Variants in ST3GAL3 observed in about 807,000 individuals in gnomAD.
ST3GAL3 encodes CMP-N-acetylneuraminate-beta-1,4-galactoside alpha-2,3-sialyltransferase.
In ST3GAL3, 21 loss-of-function variants were observed where a neutral mutation model predicts 50.1. That is an observed-to-expected ratio of 0.42 (90% CI 0.30 to 0.60). ST3GAL3 has a LOEUF of 0.60. Among genes scored for constraint, ST3GAL3 ranks in the 20% least tolerant of loss-of-function variants. ST3GAL3 has a pLI of 0.19. For synonymous variants in ST3GAL3, 183 were observed against 190.0 expected, an observed-to-expected ratio of 0.96 and a Z score of 0.30; for missense variants, 353 against 489.4, an observed-to-expected ratio of 0.72 and a Z score of 2.63.
chr1:43,873,146 GT>G lies in ST3GAL3; in HGVS notation c.303-21235del, dbSNP rs1164702424. On this transcript the variant is annotated intron_variant, in intron 5 of 11. Coordinates refer to ENST00000347631, the MANE Select transcript of ST3GAL3 (RefSeq NM_006279.5). ...CTAGCTGCCTTGATGAGAATAGACTGTTGCAAGGCAGTCCGATTGGGAGGCT... is the reference window on the plus strand; with the variant it reads ...CTAGCTGCCTTGATGAGAATAGACTGTGCAAGGCAGTCCGATTGGGAGGCT... 2.6e-5 allele frequency among the ~76,000 whole-genome samples: 4 copies of G among 152,198 alleles called. No homozygotes were observed. The South Asian group carries it at 8.3e-4, about 31-fold the overall frequency.
chr1:43,736,547 T>C, intron 2 of ST3GAL3, 167 bp downstream of exon 2: 1 of 1,190,608 alleles, frequency 8.4e-7, no homozygotes, highest in Non-Finnish European at 1.2e-6. Flanking sequence ...TGGTATAGGC[T>C]GAGAACTTTG....
intron 3 of ST3GAL3, chr1:43,801,388 A>G: frequency 4.4e-6 from 2 of 456,170 alleles, no homozygotes; most frequent in South Asian, 1.5e-5. Context: ...ATCATGTACA[A>G]CCGTATTCCT....
chr1:43,857,038 G>A (rs953242949), intron 5 of ST3GAL3, among the ~76,000 whole-genome samples: 3 of 152,056 alleles, frequency 2.0e-5, no homozygotes, highest in Non-Finnish European at 2.9e-5. Flanking sequence ...AAATCCATCA[G>A]CTGTAGGAGA....
intron 1 of ST3GAL3, among the ~76,000 whole-genome samples, chr1:43,733,759 T>C: frequency 6.6e-6 from 1 of 152,100 alleles, no homozygotes; most frequent in African/African-American, 2.4e-5. Flanking sequence ...GGAATGAAAC[T>C]GAATTTATAG....
chr1:43,715,234 G>A (rs757755274), intron 1 of ST3GAL3, among the ~76,000 whole-genome samples: 8 of 151,714 alleles, frequency 5.3e-5, no homozygotes, highest in African/African-American at 1.2e-4. Context: ...ATTGTCTGTC[G>A]ATATTTAATG....
intron 4 of ST3GAL3, among the ~76,000 whole-genome samples, chr1:43,819,652 T>G (rs536664989): frequency 6.6e-6 from 1 of 151,824 alleles, no homozygotes; most frequent in Non-Finnish European, 1.5e-5. Flanking sequence ...AAATGGATTC[T>G]GGGGTAAATG....
chr1:43,806,417 G>A (rs1437515108), intron 3 of ST3GAL3, among the ~76,000 whole-genome samples: 4 of 152,092 alleles, frequency 2.6e-5, no homozygotes, highest in African/African-American at 9.7e-5. Flanking sequence ...CCAAGCAACA[G>A]TGAAGACTCA....
intron 2 of ST3GAL3, chr1:43,738,408 A>T (rs552244515): frequency 6.6e-6 from 1 of 152,212 alleles, no homozygotes; most frequent in South Asian, 2.1e-4. Flanking sequence ...TGACCAAAGC[A>T]TACTATTTTA....
At chr1:43,768,588 G>C (rs1294119451) in intron 2 of ST3GAL3, among the ~76,000 whole-genome samples, 1 of 152,146 alleles carries the variant, frequency 6.6e-6, no homozygotes, top group African/African-American at 2.4e-5. Context: ...AGGAGCTATA[G>C]GCTTGAAAAA....
At chr1:43,790,503 A>G (rs1054155373) in intron 2 of ST3GAL3, among the ~76,000 whole-genome samples, 2 of 151,880 alleles carry the variant, frequency 1.3e-5, no homozygotes, top group African/African-American at 2.4e-5. Flanking sequence ...AATTGCTTTT[A>G]TTGAACTCTA....
intron 4 of ST3GAL3, among the ~76,000 whole-genome samples, chr1:43,817,702 TTCCTTCTCCTTCTCC>T (rs1478128272): frequency 7.0e-6 from 1 of 142,266 alleles, no homozygotes; most frequent in Non-Finnish European, 1.5e-5. Flanking sequence ...CTTCTCCTTC[TTCCTTCTCCTTCTCC>T]TCCTTCTCCT....
In ST3GAL3 at chr1:43,906,317, C is replaced by G. The variant is rs545867543; in HGVS notation, c.744+6590C>G. Among the ~76,000 whole-genome samples the G allele has an allele frequency of 1.3e-3, 187 of 144,182 alleles. 2 individuals carry two copies. Among genetic ancestry groups the G allele is most frequent in the African/African-American group, 4.6e-3 (178 of 38,562 alleles). The allele number at this position is 144,182 out of a possible 152,430, so 94.6% of individuals were successfully genotyped here. ...CCTCCCCCTCCTCCTGTTTCTCTTCCTACCACTCTTCTTTCTCCTCCTCCT... is the reference window on the plus strand; with the variant it reads ...CCTCCCCCTCCTCCTGTTTCTCTTCGTACCACTCTTCTTTCTCCTCCTCCT... On this transcript the variant is annotated intron_variant, in intron 9 of 11. Transcript: ENST00000347631.
At chr1:43,873,791 A>AAAAT (rs754298933) in intron 5 of ST3GAL3, among the ~76,000 whole-genome samples, 16 of 152,104 alleles carry the variant, frequency 1.1e-4, no homozygotes, top group South Asian at 2.1e-4. Context: ...ATTCTGTCTC[A>AAAAT]AAATAAATAA....
chr1:43,929,682 G>A (rs1174760494), intron 11 of ST3GAL3, among the ~76,000 whole-genome samples: 1 of 152,206 alleles, frequency 6.6e-6, no homozygotes, highest in Non-Finnish European at 1.5e-5. Context: ...GATTTCATCC[G>A]CCGCCCCCAG....
chr1:43,927,766 G>A (rs1022202524), intron 11 of ST3GAL3, among the ~76,000 whole-genome samples: 1 of 152,208 alleles, frequency 6.6e-6, no homozygotes, highest in Admixed American at 6.5e-5. Flanking sequence ...CTGCAATGAG[G>A]AGGGGCAAGT....
At chr1:43,752,720 C>CT (rs1195359887) in intron 2 of ST3GAL3, among the ~76,000 whole-genome samples, 2 of 152,162 alleles carry the variant, frequency 1.3e-5, no homozygotes, top group Non-Finnish European at 2.9e-5. Flanking sequence ...CCAGGCTCGT[C>CT]TTGAACTCCT....
At position 43,765,408 on chromosome 1, in the gene ST3GAL3, G is replaced by A. The variant is rs778970688; in HGVS notation, c.119-26694G>A. On this transcript the variant is annotated intron_variant, in intron 2 of 11. Transcript: ENST00000347631. ...ACGTTCCACAGATCAGTACTCAGTC[G>A]TGTGGTCCCACCTAACTGAGAGGAG... 3.9e-4 allele frequency among the ~76,000 whole-genome samples: 60 copies of A among 152,152 alleles called. 1 individual carries two copies. Among genetic ancestry groups the A allele is most frequent in the Admixed American group, 6.5e-5 (1 of 15,278 alleles).
chr1:43,708,149 A>G (rs1662465869), intron 1 of ST3GAL3: 1 of 152,264 alleles, frequency 6.6e-6, no homozygotes, highest in Non-Finnish European at 1.5e-5. Flanking sequence ...TTGATCGGCA[A>G]AGTACGCCTC....
chr1:43,782,683 C>G (rs887873980), intron 2 of ST3GAL3, among the ~76,000 whole-genome samples: 1 of 152,210 alleles, frequency 6.6e-6, no homozygotes, highest in African/African-American at 2.4e-5. Flanking sequence ...GAGGACTTAA[C>G]TACATGCCAG....
Sources: allele counts gnomAD v4.1 joint callset (sites outside exome capture counted in the v4.1 genomes callset), GRCh38; gene constraint gnomAD v4.1.1; transcripts MANE v1.5; gene names NCBI Gene and HGNC (gene_info 2026-07-23, HGNC 2026-07-21).